The following SPAG16 variants were observed in gnomAD, a reference collection of about 807,000 sequenced individuals.
SPAG16 encodes the protein sperm associated antigen 16.
SPAG16 carries 86 observed loss-of-function variants against 80.4 expected under a neutral mutation model. The ratio of observed to expected loss-of-function variants is 1.07; its 90% confidence interval spans 0.90 to 1.28. The LOEUF (loss-of-function observed/expected upper bound fraction) is 1.28, where lower values mean the gene tolerates loss of function less well. SPAG16 is among the 50% of genes most tolerant of loss of function. The probability of loss-of-function intolerance (pLI) is 0.00; values close to 1 mark genes in which losing one functional copy is unlikely to be tolerated. For missense variants in SPAG16, 870 were observed against 765.3 expected, an observed-to-expected ratio of 1.14 and a Z score of -1.61; for synonymous variants, 294 against 265.9, an observed-to-expected ratio of 1.11 and a Z score of -1.03.
intron 10 of SPAG16, among the ~76,000 whole-genome samples, chr2:213,640,669 G>A (rs570196744): frequency 6.6e-6 from 1 of 152,240 alleles, no homozygotes; most frequent in East Asian, 1.9e-4. Flanking sequence ...CGAATTTGAG[G>A]CTGTGAGAGT....
At chr2:213,578,393 G>A (rs1034579545) in intron 10 of SPAG16, among the ~76,000 whole-genome samples, 1 of 152,046 alleles carries the variant, frequency 6.6e-6, no homozygotes, top group African/African-American at 2.4e-5. Flanking sequence ...ATGCTAAGGT[G>A]TGTATTCTTT....
intron 15 of SPAG16, among the ~76,000 whole-genome samples, chr2:214,245,894 C>T (rs34455605): frequency 3.9e-5 from 6 of 151,940 alleles, no homozygotes; most frequent in Non-Finnish European, 7.4e-5. Context: ...GGGCCTAAAA[C>T]GTACGTTTTG....
intron 9 of SPAG16, among the ~76,000 whole-genome samples, chr2:213,488,805 C>A (rs1245493416): frequency 6.8e-6 from 1 of 148,092 alleles, no homozygotes; most frequent in Non-Finnish European, 1.5e-5. Context: ...ACGCCAGAGG[C>A]GGTGCTCACG....
At position 214,080,789 on chromosome 2, in the gene SPAG16, C is replaced by A. The variant is rs545267595; in HGVS notation, c.1528-27407C>A. Among the ~76,000 whole-genome samples, 11 of 152,030 alleles carry A rather than the reference C, an allele frequency of 7.2e-5. No homozygotes were observed. The South Asian group carries it at 2.1e-3, about 29-fold the overall frequency. ...AAGTACCCAATCAAAACAAACATAA[C>A]CTTTACTTAACACCTGTTTTTGTAA... On this transcript the variant is annotated intron_variant, in intron 13 of 15. Transcript: ENST00000331683.
intron 15 of SPAG16, among the ~76,000 whole-genome samples, chr2:214,230,471 A>G (rs1688613747): frequency 2.0e-5 from 3 of 152,052 alleles, no homozygotes; most frequent in African/African-American, 7.2e-5. Context: ...CAGTGATATT[A>G]AATATTTATT....
chr2:214,172,139 C>T (rs1413324993), intron 15 of SPAG16, among the ~76,000 whole-genome samples: 2 of 151,502 alleles, frequency 1.3e-5, no homozygotes, highest in Admixed American at 6.6e-5. Context: ...TACATGTGCA[C>T]AATGTGCAGG....
At chr2:213,761,917 C>A (rs1575066095) in intron 10 of SPAG16, among the ~76,000 whole-genome samples, 1 of 151,694 alleles carries the variant, frequency 6.6e-6, no homozygotes, top group Non-Finnish European at 1.5e-5. Flanking sequence ...CCCTACAGAC[C>A]AATATCTCTT....
chr2:214,024,550 T>A (rs2048038642), intron 13 of SPAG16, among the ~76,000 whole-genome samples: 1 of 151,626 alleles, frequency 6.6e-6, no homozygotes, highest in Non-Finnish European at 1.5e-5. Flanking sequence ...CATAATTACT[T>A]AATTCAATAT....
chr2:213,851,935 A>G lies in SPAG16; in HGVS notation c.1071-10550A>G, dbSNP rs113802023. The stretch of plus-strand genomic sequence containing the variant: ...TTTGAAGAAAACCTATAATTTCACA[A>G]TATTTAAAACTTAAAGTGCTAGGGA... On this transcript the variant is annotated intron_variant, in intron 10 of 15. Transcript: ENST00000331683. Among the ~76,000 whole-genome samples the G allele has an allele frequency of 2.6e-5, 4 of 152,328 alleles. 1 individual carries two copies. The highest frequency in any genetic ancestry group is 9.6e-5 in the African/African-American group (4 of 41,576).
At chr2:213,291,952 AC>A (rs2062291897) in intron 1 of SPAG16, among the ~76,000 whole-genome samples, 1 of 152,058 alleles carries the variant, frequency 6.6e-6, no homozygotes, top group Admixed American at 6.6e-5. Context: ...GTAGTTATGT[AC>A]TCTCTTAATC....
intron 1 of SPAG16, among the ~76,000 whole-genome samples, chr2:213,291,016 T>G (rs77262206): frequency 4.2e-4 from 64 of 152,336 alleles, no homozygotes; most frequent in Non-Finnish European, 7.8e-4. Context: ...TTCCTGGATA[T>G]CTGTTGAGAA....
At chr2:213,360,562 A>C (rs1906690) in intron 7 of SPAG16, among the ~76,000 whole-genome samples, 1 of 152,216 alleles carries the variant, frequency 6.6e-6, no homozygotes, top group Non-Finnish European at 1.5e-5. Context: ...TACCACTTAA[A>C]GAATGGAAAC....
chr2:214,409,171 T>C (rs889350963), intron 15 of SPAG16, among the ~76,000 whole-genome samples: 10 of 146,268 alleles, frequency 6.8e-5, no homozygotes, highest in African/African-American at 2.8e-4. Flanking sequence ...ATAAGGATCA[T>C]ACGGAATTAT....
chr2:213,444,166 T>C (rs1254112883), intron 9 of SPAG16, among the ~76,000 whole-genome samples: 1 of 152,194 alleles, frequency 6.6e-6, no homozygotes, highest in African/African-American at 2.4e-5. Flanking sequence ...AATTAAGGGC[T>C]CAACTCTGTG....
intron 13 of SPAG16, among the ~76,000 whole-genome samples, chr2:214,040,067 C>A (rs1401765450): frequency 6.6e-6 from 1 of 152,098 alleles, no homozygotes; most frequent in Non-Finnish European, 1.5e-5. Flanking sequence ...TGGAAAAAAC[C>A]TGAAAAGATA....
chr2:214,050,388 T>A (rs570982755), intron 13 of SPAG16, among the ~76,000 whole-genome samples: 2 of 152,240 alleles, frequency 1.3e-5, no homozygotes, highest in South Asian at 4.1e-4. Flanking sequence ...CTGAACACAC[T>A]TTGAGAAACA....
intron 15 of SPAG16, chr2:214,239,038 TA>T (rs1689278555): frequency 6.6e-6 from 1 of 152,166 alleles, no homozygotes; most frequent in African/African-American, 2.4e-5. Flanking sequence ...AAACTCATAA[TA>T]TTTTTTTTTG....
At chr2:214,278,339 C>T (rs1692634082) in intron 15 of SPAG16, among the ~76,000 whole-genome samples, 1 of 152,186 alleles carries the variant, frequency 6.6e-6, no homozygotes, top group Non-Finnish European at 1.5e-5. Flanking sequence ...TCCAACCAGT[C>T]CCAGTGAGAT....
chr2:213,472,408 A>G (rs995205855), intron 9 of SPAG16, among the ~76,000 whole-genome samples: 17 of 152,170 alleles, frequency 1.1e-4, no homozygotes, highest in African/African-American at 2.9e-4. Context: ...TCCAAGATCT[A>G]TCTGTCTTCT....
Sources: allele counts gnomAD v4.1 joint callset (sites outside exome capture counted in the v4.1 genomes callset), GRCh38; gene constraint gnomAD v4.1.1; transcripts MANE v1.5; gene names NCBI Gene and HGNC (gene_info 2026-07-23, HGNC 2026-07-21).